The following NADK variants were observed in gnomAD, a reference collection of about 807,000 sequenced individuals.
NADK encodes the protein poly(P)/ATP NAD kinase.
In NADK, 22 loss-of-function variants were observed where a neutral mutation model predicts 49.8. The observed-to-expected ratio is 0.44, with a 90% CI of 0.32 to 0.63. The LOEUF (loss-of-function observed/expected upper bound fraction) is 0.63, where lower values mean the gene tolerates loss of function less well. Among genes scored for constraint, NADK ranks in the 30% least tolerant of loss-of-function variants. The pLI is 0.06. For missense variants in NADK, 438 were observed against 609.4 expected (o/e 0.72, Z 2.96); for synonymous variants, 268 against 253.7 (o/e 1.06, Z -0.54).
At chr1:1,766,879 G>A (rs1417622381) in intron 1 of NADK, among the ~76,000 whole-genome samples, 1 of 151,492 alleles carries the variant, frequency 6.6e-6, no homozygotes, top group Admixed American at 6.6e-5. Flanking sequence ...CACAGTGCTA[G>A]GATTATAGGC....
At position 1,752,836 on chromosome 1, in the gene NADK, A is replaced by T. The variant is rs1645367105; in HGVS notation, c.*68T>A. On this transcript the variant is annotated 3_prime_UTR_variant, in exon 12 of 12. Transcript: ENST00000341426. Reference sequence around the variant, plus strand: ...GAGACAGGCGGTCACAGACACACGCAGATTGGTCTGTCCCCAGAGGGCGCT... The same window carrying T: ...GAGACAGGCGGTCACAGACACACGCTGATTGGTCTGTCCCCAGAGGGCGCT... 1 of 1,538,406 alleles carries T rather than the reference A, an allele frequency of 6.5e-7. No homozygotes were observed. The highest frequency in any genetic ancestry group is 1.2e-5 in the South Asian group (1 of 81,844).
chr1:1,769,068 C>G (rs145788878), intron 1 of NADK, among the ~76,000 whole-genome samples: 12 of 152,348 alleles, frequency 7.9e-5, no homozygotes, highest in Non-Finnish European at 1.3e-4. Context: ...CCAGAAGATT[C>G]TAATGTTTAG....
At chr1:1,766,423 A>T (rs1645888358) in intron 1 of NADK, among the ~76,000 whole-genome samples, 2 of 115,142 alleles carry the variant, frequency 1.7e-5, no homozygotes, top group African/African-American at 1.1e-4. Context: ...AAAAAAAAAA[A>T]AAAAAAAAAA....
intron 3 of NADK, among the ~76,000 whole-genome samples, chr1:1,760,257 C>T (rs1029037161): frequency 6.6e-6 from 1 of 152,204 alleles, no homozygotes; most frequent in African/African-American, 2.4e-5. Flanking sequence ...ACAGACACTC[C>T]GGGAACCAGT....
At chr1:1,774,981 C>T (rs1646169505) in intron 1 of NADK, among the ~76,000 whole-genome samples, 1 of 151,952 alleles carries the variant, frequency 6.6e-6, no homozygotes, top group Non-Finnish European at 1.5e-5. Flanking sequence ...CGGTGGCAGG[C>T]GCCTGTCATC....
intron 4 of NADK, chr1:1,756,945 G>A (rs79052177): frequency 0.066 from 54,688 of 826,206 alleles, 2,379 homozygotes; most frequent in Non-Finnish European, 0.08. Flanking sequence ...CGGACTTCCC[G>A]GCCTCCAGGG....
chr1:1,774,617 A>G (rs933688606), intron 1 of NADK, among the ~76,000 whole-genome samples: 12 of 150,600 alleles, frequency 8.0e-5, no homozygotes, highest in Non-Finnish European at 1.5e-4. Flanking sequence ...CGCGGCCACC[A>G]TTGTGCCTCG....
rs1419663213 is a variant in NADK, at chr1:1,756,284, G to A, written c.559C>T (p.Leu187=). Residue 187 remains leucine (L), a synonymous_variant, in exon 6 of 12, where the codon CTG becomes TTG. Transcript: ENST00000341426. Reference sequence around the variant, plus strand: ...TGGAAAAGCGAGGAAGCGTACAGCAGCGTCCCGTCTCCCCCCAGGCAGATG... The same window carrying A: ...TGGAAAAGCGAGGAAGCGTACAGCAACGTCCCGTCTCCCCCCAGGCAGATG... ...FIICLGGDGT[L]LYASSLFQGS... The A allele has an allele frequency of 1.9e-5, 31 of 1,614,170 alleles. No individual in the cohort carries two copies. Among genetic ancestry groups the A allele is most frequent in the Non-Finnish European group, 2.6e-5 (31 of 1,180,020 alleles).
intron 4 of NADK, 137 bp from the exon 5 acceptor site, chr1:1,756,745 A>G: frequency 6.7e-7 from 1 of 1,494,196 alleles, no homozygotes; most frequent in Non-Finnish European, 9.2e-7. Flanking sequence ...TCACGCTGAA[A>G]CTTCATCACC....
rs779213492 is a variant in NADK, at chr1:1,756,486, A to G, written c.499+17T>C. Reference sequence around the variant, plus strand: ...ACTGTGCTGGAGAAACCAAGGACAGAGCTGCTGACAGCCCACCTTCTCGAA... The same window carrying G: ...ACTGTGCTGGAGAAACCAAGGACAGGGCTGCTGACAGCCCACCTTCTCGAA... On this transcript the variant is annotated intron_variant, in intron 5 of 11. Coordinates refer to ENST00000341426, the MANE Select transcript of NADK (RefSeq NM_023018.5). 1.2e-6 allele frequency: 2 copies of G among 1,613,958 alleles called. No individual in the cohort carries two copies. Among genetic ancestry groups the G allele is most frequent in the Non-Finnish European group, 1.7e-6 (2 of 1,179,994 alleles).
chr1:1,753,980 T>C, intron 10 of NADK, 71 bp downstream of exon 10: 1 of 1,503,822 alleles, frequency 6.6e-7, no homozygotes, highest in Non-Finnish European at 8.9e-7. Context: ...AGCGGGGTGC[T>C]AGGTCCCGGC....
At chr1:1,763,830 C>T (rs374742023) in intron 2 of NADK, among the ~76,000 whole-genome samples, 3 of 152,154 alleles carry the variant, frequency 2.0e-5, no homozygotes, top group South Asian at 2.1e-4. Context: ...ACTATGGAGG[C>T]GACCTCTGAC....
rs993611779 is a variant in NADK at position 1,754,283 on chromosome 1, C to T, written c.943+1G>A. On this transcript the variant is annotated splice_donor_variant, in intron 9 of 11. Coordinates refer to ENST00000341426, the MANE Select transcript of NADK (RefSeq NM_023018.5). LOFTEE classifies it high-confidence loss of function. This position sits in a 1 kb window ranked among gnomAD's most constrained non-coding sequence, Gnocchi z 4.3. ...CCCCAGGACAGTGCTGCGGGCCTTA[C>T]CGTCGCCCTGCACCGTGGTGATGAG... 3.1e-6 allele frequency: 5 copies of T among 1,613,642 alleles called. No individual in the cohort carries two copies. The highest frequency in any genetic ancestry group is 4.2e-6 in the Non-Finnish European group (5 of 1,179,932).
upstream of NADK, among the ~76,000 whole-genome samples, chr1:1,779,696 G>C (rs1012225094): frequency 6.7e-6 from 1 of 150,348 alleles, no homozygotes; most frequent in African/African-American, 2.5e-5. Context: ...TGTGTGTAGA[G>C]ATGAGGTTTT....
chr1:1,767,185 G>A (rs1645915039), intron 1 of NADK, among the ~76,000 whole-genome samples: 1 of 151,944 alleles, frequency 6.6e-6, no homozygotes, highest in South Asian at 2.1e-4. Flanking sequence ...CCGAAGTGCT[G>A]GGATTACAGG....
chr1:1,756,162 A>G (rs1180620026), intron 6 of NADK, 96 bp downstream of exon 6: 1 of 1,173,992 alleles, frequency 8.5e-7, no homozygotes, highest in African/African-American at 1.5e-5. Flanking sequence ...TCTCGTATAA[A>G]GGGGTGAAAA....
chr1:1,761,831 G>C, intron 3 of NADK, 121 bp downstream of exon 3: 5 of 843,824 alleles, frequency 5.9e-6, no homozygotes, highest in South Asian at 1.5e-5. Context: ...TCAACACAGC[G>C]ATCCCACAAC....
chr1:1,768,327 CAGG>C (rs1645946800), intron 1 of NADK, among the ~76,000 whole-genome samples: 2 of 151,746 alleles, frequency 1.3e-5, no homozygotes, highest in South Asian at 4.2e-4. Flanking sequence ...CACTTGAGGC[CAGG>C]AGTTCAGGAA....
intron 3 of NADK, among the ~76,000 whole-genome samples, chr1:1,758,894 G>A (rs538229495): frequency 1.5e-4 from 23 of 152,254 alleles, no homozygotes; most frequent in African/African-American, 4.8e-4. Context: ...GCTCTGGCCC[G>A]CGGAACCGGC....
Sources: gnomAD v4.1 joint callset for allele counts (sites outside exome capture counted in the v4.1 genomes callset) on GRCh38, gnomAD v4.1.1 for gene constraint, Gnocchi (gnomAD v3.1) non-coding constraint, MANE v1.5 for transcripts, NCBI Gene and HGNC (gene_info 2026-07-23, HGNC 2026-07-21) for gene names.